Variants in ZFYVE9 observed in about 807,000 individuals in gnomAD.
ZFYVE9 encodes the protein zinc finger FYVE domain-containing protein 9.
ZFYVE9 carries 43 observed loss-of-function variants against 126.7 expected under a neutral mutation model. The ratio of observed to expected loss-of-function variants is 0.34; its 90% CI spans 0.27 to 0.44. The LOEUF is 0.44. Ranked by LOEUF, ZFYVE9 falls within the 20% of genes least tolerant of loss-of-function variation. The pLI is 1.00. For missense variants in ZFYVE9, 1,476 were observed against 1,697.0 expected, an observed-to-expected ratio of 0.87 and a Z score of 2.29; for synonymous variants, 521 against 597.4, an observed-to-expected ratio of 0.87 and a Z score of 1.87.
At chr1:52,329,452 C>T (rs1461798973) in intron 13 of ZFYVE9, among the ~76,000 whole-genome samples, 1 of 151,832 alleles carries the variant, frequency 6.6e-6, no homozygotes. Flanking sequence ...TAGATATGAC[C>T]CCAAAAGCAC....
chr1:52,278,731 C>CCTT, intron 9 of ZFYVE9, 117 bp downstream of exon 9: 1 of 480,726 alleles, frequency 2.1e-6, no homozygotes, highest in Non-Finnish European at 3.3e-6. Context: ...TTTTTTTTTT[C>CCTT]TTTTTTTTTT....
At chr1:52,148,463 G>A (rs2124490817) in intron 1 of ZFYVE9, among the ~76,000 whole-genome samples, 1 of 151,708 alleles carries the variant, frequency 6.6e-6, no homozygotes, top group East Asian at 2.0e-4. Flanking sequence ...ACTCCAGCCT[G>A]GGCAAGAAGA....
At chr1:52,251,601 A>G (rs895284067) in intron 4 of ZFYVE9, among the ~76,000 whole-genome samples, 7 of 147,072 alleles carry the variant, frequency 4.8e-5, no homozygotes, top group East Asian at 4.0e-4. Context: ...TCAATTTGCT[A>G]TTATTTTCTT....
intron 13 of ZFYVE9, among the ~76,000 whole-genome samples, chr1:52,326,507 T>C (rs1361939987): frequency 8.2e-6 from 1 of 121,626 alleles, no homozygotes; most frequent in Non-Finnish European, 1.8e-5. Flanking sequence ...GTTAAGTAAG[T>C]TTACCAAAGA....
chr1:52,185,178 T>A (rs1644753678), intron 1 of ZFYVE9, among the ~76,000 whole-genome samples: 1 of 152,186 alleles, frequency 6.6e-6, no homozygotes, highest in Admixed American at 6.5e-5. Flanking sequence ...ATTTAATACC[T>A]ACTAGTTCAG....
At chr1:52,229,883 T>C (rs956432696) in intron 2 of ZFYVE9, among the ~76,000 whole-genome samples, 11 of 151,902 alleles carry the variant, frequency 7.2e-5, no homozygotes, top group African/African-American at 2.2e-4. Flanking sequence ...TTTTTTTTTT[T>C]TGGAGACGGA....
chr1:52,181,915 G>C (rs1412259099), intron 1 of ZFYVE9, among the ~76,000 whole-genome samples: 4 of 151,484 alleles, frequency 2.6e-5, no homozygotes, highest in East Asian at 4.0e-4. Flanking sequence ...AGTAAGGAGC[G>C]TCTCCGCCCG....
intron 4 of ZFYVE9, among the ~76,000 whole-genome samples, chr1:52,245,591 C>CA (rs1243327652): frequency 6.6e-6 from 1 of 152,198 alleles, no homozygotes; most frequent in Non-Finnish European, 1.5e-5. Context: ...GTAACTTGTT[C>CA]AAAATCACAC....
intron 1 of ZFYVE9, among the ~76,000 whole-genome samples, chr1:52,168,361 C>T (rs912457): frequency 0.065 from 9,911 of 151,550 alleles, 363 homozygotes; most frequent in African/African-American, 0.1. Flanking sequence ...GGGCTACAGG[C>T]GCACACCACC....
intron 1 of ZFYVE9, among the ~76,000 whole-genome samples, chr1:52,204,726 C>CAA (rs566372582): frequency 6.9e-6 from 1 of 144,168 alleles, no homozygotes; most frequent in Non-Finnish European, 1.5e-5. Flanking sequence ...GACCCTGTCT[C>CAA]AAAAAAAAAA....
chr1:52,210,103 G>A (rs1192560959), intron 1 of ZFYVE9, among the ~76,000 whole-genome samples: 3 of 152,180 alleles, frequency 2.0e-5, no homozygotes, highest in Non-Finnish European at 4.4e-5. Flanking sequence ...TCGATTGAAT[G>A]TAGAGTTGGG....
At chr1:52,305,727 G>A (rs1569720464) in intron 13 of ZFYVE9, among the ~76,000 whole-genome samples, 2 of 152,256 alleles carry the variant, frequency 1.3e-5, no homozygotes, top group East Asian at 1.9e-4. Flanking sequence ...AGGCACAGCT[G>A]TAGCTACCCG....
intron 1 of ZFYVE9, among the ~76,000 whole-genome samples, chr1:52,147,292 A>G (rs1644314342): frequency 6.6e-6 from 1 of 152,228 alleles, no homozygotes; most frequent in Non-Finnish European, 1.5e-5. Flanking sequence ...TGGAAAAGTT[A>G]GAACAGTATT....
intron 10 of ZFYVE9, among the ~76,000 whole-genome samples, chr1:52,284,988 A>G (rs1467011328): frequency 2.0e-5 from 3 of 152,162 alleles, no homozygotes; most frequent in East Asian, 1.9e-4. Context: ...TCATTTCACA[A>G]CTCATCAAAT....
intron 1 of ZFYVE9, among the ~76,000 whole-genome samples, chr1:52,175,324 A>T (rs1227987708): frequency 6.6e-6 from 1 of 150,444 alleles, no homozygotes; most frequent in African/African-American, 2.5e-5. Context: ...AGAATGTTGA[A>T]TATTGGCCCC....
intron 1 of ZFYVE9, among the ~76,000 whole-genome samples, chr1:52,215,826 A>G (rs1399744843): frequency 6.6e-6 from 1 of 152,230 alleles, no homozygotes; most frequent in Non-Finnish European, 1.5e-5. Flanking sequence ...GTGAAGGTTA[A>G]TACTGGGTTA....
intron 16 of ZFYVE9, among the ~76,000 whole-genome samples, chr1:52,338,872 G>A (rs989359565): frequency 2.0e-5 from 3 of 152,120 alleles, no homozygotes; most frequent in Non-Finnish European, 1.5e-5. Context: ...TCAGCTGGGC[G>A]TGGTGGTACA....
chr1:52,240,642 G>A (rs1167772721), intron 4 of ZFYVE9, among the ~76,000 whole-genome samples: 1 of 152,142 alleles, frequency 6.6e-6, no homozygotes, highest in Non-Finnish European at 1.5e-5. Flanking sequence ...CAGGATCGTG[G>A]AAGTTCTCTC....
intron 1 of ZFYVE9, among the ~76,000 whole-genome samples, chr1:52,156,057 A>G (rs1003767995): frequency 7.2e-5 from 11 of 152,202 alleles, no homozygotes; most frequent in Non-Finnish European, 1.0e-4. Context: ...TGATGGATCT[A>G]TATGCTTTGA....
Sources: gnomAD v4.1 joint callset for allele counts (sites outside exome capture counted in the v4.1 genomes callset) on GRCh38, gnomAD v4.1.1 for gene constraint, MANE v1.5 for transcripts, NCBI Gene and HGNC (gene_info 2026-07-23, HGNC 2026-07-21) for gene names.